The following ANKRD27 variants were observed in gnomAD, a reference collection of about 807,000 sequenced individuals.
ANKRD27 encodes the protein ankyrin repeat domain-containing protein 27.
In ANKRD27, 112 loss-of-function variants were observed where a neutral mutation model predicts 129.7. The observed-to-expected ratio is 0.86, with a 90% CI of 0.74 to 1.01. The LOEUF (loss-of-function observed/expected upper bound fraction) is 1.01, where lower values mean the gene tolerates loss of function less well. Among genes scored for constraint, ANKRD27 ranks in the 50% least tolerant of loss-of-function variants. The pLI, the probability that ANKRD27 is intolerant of heterozygous loss-of-function variation, is 0.00. For synonymous variants in ANKRD27, 516 were observed against 511.2 expected, an observed-to-expected ratio of 1.01 and a Z score of -0.13; for missense variants, 1,258 against 1,300.5, an observed-to-expected ratio of 0.97 and a Z score of 0.50.
intron 17 of ANKRD27, 74 bp downstream of exon 17, chr19:32,625,800 A>C: frequency 8.2e-7 from 1 of 1,219,276 alleles, no homozygotes; most frequent in African/African-American, 1.5e-5. Flanking sequence ...AAAATACATT[A>C]ATGAGAAATC....
chr19:32,631,677 G>C (rs1313826264), intron 12 of ANKRD27, among the ~76,000 whole-genome samples, 183 bp from the exon 13 acceptor site: 1 of 152,224 alleles, frequency 6.6e-6, no homozygotes, highest in Non-Finnish European at 1.5e-5. Flanking sequence ...AAGGCTTCCT[G>C]GAAGTGGAGG....
rs758421939 is a variant in ANKRD27 at position 32,598,097 on chromosome 19, G to GT, written c.*47dup. On this transcript the variant is annotated 3_prime_UTR_variant, in exon 29 of 29. Transcript: ENST00000306065. ...ATGTGTTCACGCTCAGCATCATCTTGTTGCATCCTTGCTTCCTAGCAGTGG... is the reference window on the plus strand; with the variant it reads ...ATGTGTTCACGCTCAGCATCATCTTGTTTGCATCCTTGCTTCCTAGCAGTGG... 6 of 1,549,876 alleles carry GT rather than the reference G, an allele frequency of 3.9e-6. No individual in the cohort carries two copies. Among genetic ancestry groups the GT allele is most frequent in the Non-Finnish European group, 5.3e-6 (6 of 1,122,510 alleles).
At chr19:32,615,306 C>T (rs1193357543) in intron 22 of ANKRD27, among the ~76,000 whole-genome samples, 3 of 152,146 alleles carry the variant, frequency 2.0e-5, no homozygotes, top group African/African-American at 7.2e-5. Context: ...ATTTGCTGGC[C>T]AGGAGCAGTG....
chr19:32,610,107 C>T (rs1284325310), intron 22 of ANKRD27, among the ~76,000 whole-genome samples: 1 of 151,926 alleles, frequency 6.6e-6, no homozygotes, highest in African/African-American at 2.4e-5. Flanking sequence ...GTCAAGAGAT[C>T]GAGACCATCC....
intron 22 of ANKRD27, 102 bp from the exon 23 acceptor site, chr19:32,607,934 C>A: frequency 8.5e-7 from 1 of 1,181,542 alleles, no homozygotes; most frequent in Non-Finnish European, 1.2e-6. Context: ...ACACACAATG[C>A]GGGATCATGG....
chr19:32,633,246 T>C (rs141205861), intron 12 of ANKRD27, among the ~76,000 whole-genome samples: 45 of 151,792 alleles, frequency 3.0e-4, no homozygotes, highest in African/African-American at 9.4e-4. Flanking sequence ...ATCCTTTCTA[T>C]GAGAAACCCA....
chr19:32,644,783 T>G (rs1423049582), intron 4 of ANKRD27, among the ~76,000 whole-genome samples: 2 of 152,228 alleles, frequency 1.3e-5, no homozygotes, highest in African/African-American at 2.4e-5. Flanking sequence ...TGAAGACTTA[T>G]TATTTATTAA....
intron 20 of ANKRD27, among the ~76,000 whole-genome samples, chr19:32,618,698 G>A (rs924145009): frequency 1.3e-5 from 2 of 152,096 alleles, no homozygotes; most frequent in African/African-American, 2.4e-5. Flanking sequence ...GCACCCATGG[G>A]GGGGCCATCG....
intron 16 of ANKRD27, 99 bp from the exon 17 acceptor site, chr19:32,626,065 G>A (rs915486835): frequency 1.2e-6 from 1 of 842,448 alleles, no homozygotes; most frequent in Non-Finnish European, 1.7e-6. Flanking sequence ...TCCCATCTTC[G>A]ATCTTATTTA....
chr19:32,597,800 T>A lies in ANKRD27; in HGVS notation c.*345A>T. 3.0e-6 allele frequency: 1 copy of A among 336,936 alleles called. No individual in the cohort carries two copies. Among genetic ancestry groups the A allele is most frequent in the Non-Finnish European group, 5.7e-6 (1 of 176,184 alleles). 20.9% of individuals were successfully genotyped at this position (336,936 alleles called of 1,614,324 possible). A position where few individuals can be genotyped will look rare whatever the true frequency, so the allele number is the denominator to read the frequency against. On this transcript the variant is annotated 3_prime_UTR_variant, in exon 29 of 29. Coordinates refer to ENST00000306065, the MANE Select transcript of ANKRD27 (RefSeq NM_032139.3). ...ACAGGTCAGAGAGGTTTAGCACCTT[T>A]TGGGAGGAGGAGGTCAGAATGCGGT...
chr19:32,606,020 T>G (rs1568396031), intron 23 of ANKRD27, 66 bp from the exon 24 acceptor site: 1 of 1,410,738 alleles, frequency 7.1e-7, no homozygotes, highest in African/African-American at 1.6e-5. Context: ...CAGAGAAAAA[T>G]TATGAAAAAT....
intron 22 of ANKRD27, chr19:32,608,191 T>TG: frequency 3.8e-6 from 1 of 261,332 alleles, no homozygotes; most frequent in Non-Finnish European, 7.3e-6. Flanking sequence ...TTTTTTTTTT[T>TG]GTAGAGATGG....
Position 32,607,862 on chromosome 19 carries a change from C to T in ANKRD27, c.2176-30G>A, listed in dbSNP as rs551290363. On this transcript the variant is annotated intron_variant, in intron 22 of 28. Coordinates refer to ENST00000306065, the MANE Select transcript of ANKRD27 (RefSeq NM_032139.3). ...GAAGCGCAGAAGATGGAAACACAAA[C>T]GTCATCAGTATTGAAGAAACTGGGC... 11 of 1,575,968 alleles carry T rather than the reference C, an allele frequency of 7.0e-6. No individual in the cohort carries two copies. The East Asian group carries it at 7.0e-5, about 10-fold the overall frequency.
intron 2 of ANKRD27, among the ~76,000 whole-genome samples, chr19:32,657,146 G>A (rs986859378): frequency 5.3e-5 from 8 of 152,062 alleles, no homozygotes; most frequent in South Asian, 2.1e-4. Flanking sequence ...GGGACAACAC[G>A]GTGAAACCCT....
At chr19:32,666,578 G>A (rs1256767553) in intron 1 of ANKRD27, among the ~76,000 whole-genome samples, 2 of 151,496 alleles carry the variant, frequency 1.3e-5, no homozygotes, top group Admixed American at 6.6e-5. Context: ...CTGCTCCTCT[G>A]AGCCAATGAG....
chr19:32,616,970 G>C (rs1231887226), intron 21 of ANKRD27, among the ~76,000 whole-genome samples: 6 of 152,148 alleles, frequency 3.9e-5, no homozygotes, highest in African/African-American at 1.4e-4. Flanking sequence ...TGGGCTCTGA[G>C]CCCACACTCT....
chr19:32,671,962 G>A (rs905907484), intron 1 of ANKRD27, among the ~76,000 whole-genome samples: 1 of 152,122 alleles, frequency 6.6e-6, no homozygotes, highest in African/African-American at 2.4e-5. Context: ...AGTATTTCAG[G>A]GAGCAGCGTG....
intron 3 of ANKRD27, among the ~76,000 whole-genome samples, chr19:32,647,753 G>A (rs374583783): frequency 6.6e-6 from 1 of 152,218 alleles, no homozygotes; most frequent in Admixed American, 6.5e-5. Flanking sequence ...AAAAGGACAG[G>A]AGTCGGGCTT....
chr19:32,643,030 CG>C (rs3841621), intron 9 of ANKRD27, 92 bp downstream of exon 9: 749,318 of 1,261,164 alleles, frequency 0.59, 233,022 homozygotes, highest in Non-Finnish European at 0.66. Context: ...ATCAAACCAG[CG>C]TGTCACCTCT....
Sources: allele counts gnomAD v4.1 joint callset (sites outside exome capture counted in the v4.1 genomes callset), GRCh38; gene constraint gnomAD v4.1.1; transcripts MANE v1.5; gene names NCBI Gene and HGNC (gene_info 2026-07-23, HGNC 2026-07-21).